Variants in AHNAK2 observed in about 807,000 individuals in gnomAD.
AHNAK2 encodes the protein protein AHNAK2.
A neutral mutation model predicts 30.7 loss-of-function variants in AHNAK2; 18 were observed. The observed-to-expected ratio is 0.59, with a 90% CI of 0.41 to 0.87. AHNAK2 has a LOEUF of 0.87. Among genes scored for constraint, AHNAK2 ranks in the 40% least tolerant of loss-of-function variants. AHNAK2 has a pLI of 0.00. For missense variants in AHNAK2, 8,604 were observed against 7,373.0 expected, an observed-to-expected ratio of 1.17 and a Z score of -6.11; for synonymous variants, 3,590 against 3,073.8, an observed-to-expected ratio of 1.17 and a Z score of -5.56.
Position 104,945,145 on chromosome 14 carries a change from G to C in AHNAK2, c.10306C>G (p.Leu3436Val). 6.2e-7 allele frequency: 1 copy of C among 1,613,306 alleles called. No homozygotes were observed. ...EVTVPDVEVS[L>V]PSVEVDVQAP... ...TGGACGTCCACCTCCACGCTGGGCA[G>C]AGACACCTCCACATCAGGGACTGTC... is the stretch of plus-strand genomic sequence containing the variant. Residue 3436 changes from leucine to valine, a missense_variant, in exon 7 of 7, where the codon CTG becomes GTG. By Grantham distance (32) the Leu-to-Val change is conservative. Coordinates refer to ENST00000333244, the MANE Select transcript of AHNAK2 (RefSeq NM_138420.4).
Position 104,954,270 on chromosome 14 carries a change from G to C in AHNAK2, c.1181C>G (p.Pro394Arg), listed in dbSNP as rs991017834. The C allele has an allele frequency of 5.6e-6, 9 of 1,613,168 alleles. No homozygotes were observed. The highest frequency in any genetic ancestry group is 7.6e-6 in the Non-Finnish European group (9 of 1,179,880). The change falls in exon 7 of 7, where the codon CCA becomes CGA. Residue 394 changes from proline (P) to arginine (R), a missense_variant. By Grantham distance (103) the Pro-to-Arg change is moderately radical. Transcript: ENST00000333244. The surrounding 1 kb of genome is among the most constrained non-coding windows in gnomAD (Gnocchi z 4.3). The stretch of plus-strand genomic sequence containing the variant: ...AGGGTCACCGAGCTCTGTGGGCAAT[G>C]GCATGCTCTGAGCAGGCATCACTTC... ...DREVMPAQSM[P>R]LPTELGDPRL...
intron 1 of AHNAK2, among the ~76,000 whole-genome samples, chr14:104,973,562 C>T (rs1033513053): frequency 2.0e-5 from 3 of 152,156 alleles, no homozygotes; most frequent in Non-Finnish European, 2.9e-5. Flanking sequence ...CCCCTCCAGC[C>T]GGCAGGGCTC....
chr14:104,957,389 G>A (rs1315278595), intron 3 of AHNAK2, 21 bp downstream of exon 3: 1 of 1,559,594 alleles, frequency 6.4e-7, no homozygotes, highest in Middle Eastern at 1.8e-4. Flanking sequence ...GTGCCTGTGG[G>A]GCTCTGCCCA....
rs1178112147 is a variant in AHNAK2, at chr14:104,966,168, C to T, written c.56-8496G>A. ...GGAAGAGAAGGGCAGGAGGTGAGGG[C>T]AGGCAGGGCTGGGTCAGTGCCAGGA... On this transcript the variant is annotated intron_variant, in intron 1 of 6. Coordinates refer to ENST00000333244, the MANE Select transcript of AHNAK2 (RefSeq NM_138420.4). This position sits in a 1 kb window ranked among gnomAD's most constrained non-coding sequence, Gnocchi z 4.3. Among the ~76,000 whole-genome samples, 1 of 152,142 alleles carries T rather than the reference C, an allele frequency of 6.6e-6. No individual in the cohort carries two copies. Among genetic ancestry groups the T allele is most frequent in the East Asian group, 1.9e-4 (1 of 5,196 alleles).
rs763833534 is a variant in AHNAK2 at position 104,949,449 on chromosome 14, G to C, written c.6002C>G (p.Ser2001Trp). ...GGCCTCGATGGACCTCCCTGGGGCC[G>C]ATACCCCGAACGACGGCATCTTGAA... ...PKFKMPSFGV[S>W]APGRSIEASV... Residue 2001 changes from serine to tryptophan, a missense_variant, in exon 7 of 7, where the codon TCG becomes TGG. Transcript: ENST00000333244. 1.2e-5 allele frequency: 19 copies of C among 1,587,820 alleles called. 1 individual carries two copies. The Middle Eastern group carries it at 5.0e-4, about 41-fold the overall frequency.
intron 1 of AHNAK2, among the ~76,000 whole-genome samples, chr14:104,974,594 C>T (rs186804688): frequency 2.0e-5 from 3 of 152,366 alleles, no homozygotes; most frequent in African/African-American, 7.2e-5. Flanking sequence ...TAAGGCTGCA[C>T]TGGCCACAAA....
rs1370471848 is a variant in AHNAK2 at position 104,949,401 on chromosome 14, T to G, written c.6050A>C (p.Lys2017Thr). 1.3e-6 allele frequency: 2 copies of G among 1,582,792 alleles called. No homozygotes were observed. The highest frequency in any genetic ancestry group is 1.7e-6 in the Non-Finnish European group (2 of 1,159,516). ...IEASVDVPAP[K>T]VEADVSLPSM... ...GGGGAGACTCACGTCGGCCTCCACC[T>G]TGGGTGCAGGCACATCCACCGAGGC... The change falls in exon 7 of 7, where the codon AAG becomes ACG. Residue 2017 changes from lysine to threonine, a missense_variant. Lys to Thr is a moderately conservative substitution (Grantham distance 78). Coordinates refer to ENST00000333244, the MANE Select transcript of AHNAK2 (RefSeq NM_138420.4).
Position 104,949,160 on chromosome 14 carries a change from T to G in AHNAK2, c.6291A>C (p.Lys2097Asn). The G allele has an allele frequency of 1.9e-6, 2 of 1,046,356 alleles. 1 individual carries two copies. Among genetic ancestry groups the G allele is most frequent in the Non-Finnish European group, 2.8e-6 (2 of 726,316 alleles). 64.8% of individuals were successfully genotyped at this position (1,046,356 alleles called of 1,614,324 possible). ...KGPQVDIKGP[K>N]LDLKDPKVEM... ...CCACCTTGGGGTCTTTTAGGTCCAG[T>G]TTGGGGCCCTTGATGTCCACCTGGG... Residue 2097 changes from lysine (K) to asparagine (N), a missense_variant, in exon 7 of 7, where the codon AAA becomes AAC. Transcript: ENST00000333244.
At position 104,949,646 on chromosome 14, in the gene AHNAK2, C is replaced by G; in HGVS notation, c.5805G>C (p.Leu1935=). The G allele has an allele frequency of 6.3e-7, 1 of 1,587,780 alleles. No homozygotes were observed. Among genetic ancestry groups the G allele is most frequent in the East Asian group, 2.2e-5 (1 of 44,664 alleles). ...CTGTCACTTCCGCCTTGGGGCCTTT[C>G]AGGTCCAGCTTGGCGCCCTTAACAT... The part of the protein sequence containing the change: ...QTDVKGAKLD[L]KGPKAEVTAP... The change falls in exon 7 of 7, where the codon CTG becomes CTC. Residue 1935 remains leucine (L), a synonymous_variant. Coordinates refer to ENST00000333244, the MANE Select transcript of AHNAK2 (RefSeq NM_138420.4).
rs61433149 is a variant in AHNAK2, at chr14:104,947,780, C to G, written c.7671G>C (p.Pro2557=). The G allele has an allele frequency of 2.5e-4, 404 of 1,611,756 alleles. 7 individuals are homozygous for G. The Middle Eastern group carries it at 3.2e-3, about 13-fold the overall frequency. ...GGTGCCCTTTGAGGCCGGCTCCCTC[C>G]GGCACAGGGCCCTCTGGGAGTTTCA... The part of the protein sequence containing the change: ...VDVKLPEGPV[P]EGAGLKGHLP... Residue 2557 remains proline (P), a synonymous_variant, in exon 7 of 7, where the codon CCG becomes CCC. Transcript: ENST00000333244.
chr14:104,961,262 C>T (rs1294267478), intron 1 of AHNAK2, among the ~76,000 whole-genome samples: 1 of 151,942 alleles, frequency 6.6e-6, no homozygotes, highest in Non-Finnish European at 1.5e-5. Flanking sequence ...CGCCTGTAAT[C>T]CCAGCACTTT....
At chr14:104,965,139 T>A (rs1449234135) in intron 1 of AHNAK2, among the ~76,000 whole-genome samples, 1 of 152,204 alleles carries the variant, frequency 6.6e-6, no homozygotes, top group Admixed American at 6.5e-5. Context: ...TCTTCCAATG[T>A]AGCCCAGGGA....
chr14:104,946,151 G>C lies in AHNAK2; in HGVS notation c.9300C>G (p.Pro3100=), dbSNP rs768260955. 6.2e-7 allele frequency: 1 copy of C among 1,611,748 alleles called. No individual in the cohort carries two copies. Among genetic ancestry groups the C allele is most frequent in the Non-Finnish European group, 8.5e-7 (1 of 1,179,342 alleles). Residue 3100 remains proline, a synonymous_variant, in exon 7 of 7, where the codon CCC becomes CCG. Transcript: ENST00000333244. ...TGCCGGGCTGAGACACCTCCACGTCGGGGGCCGTCACGTCCGTCTTCGGGC... is the reference window on the plus strand; with the variant it reads ...TGCCGGGCTGAGACACCTCCACGTCCGGGGCCGTCACGTCCGTCTTCGGGC... The part of the protein sequence containing the change: ...LKGPKTDVTA[P]DVEVSQPGME...
rs1426197983 is a variant in AHNAK2, at chr14:104,952,524, T to G, written c.2927A>C (p.Asp976Ala). The G allele has an allele frequency of 1.2e-6, 2 of 1,612,548 alleles. No individual in the cohort carries two copies. Among genetic ancestry groups the G allele is most frequent in the Admixed American group, 3.3e-5 (2 of 59,894 alleles). The change falls in exon 7 of 7, where the codon GAT (aspartate) becomes GCT (alanine). Residue 976 changes from aspartate to alanine, a missense_variant. Asp to Ala is a moderately radical substitution (Grantham distance 126). Coordinates refer to ENST00000333244, the MANE Select transcript of AHNAK2 (RefSeq NM_138420.4). Reference protein sequence around the residue: ...VDVQAQKAKLDGAWLEGDLSL... With the variant: ...VDVQAQKAKLAGAWLEGDLSL... ...CAGGTCCCCCTCCAGCCACGCACCA[T>G]CCAGCTTGGCCTTCTGGGCCTGGAC...
chr14:104,975,630 T>C (rs948415365), intron 1 of AHNAK2, among the ~76,000 whole-genome samples: 2 of 152,236 alleles, frequency 1.3e-5, no homozygotes, highest in African/African-American at 4.8e-5. Context: ...CATTCTGCTC[T>C]GGCCCCTAAG....
intron 1 of AHNAK2, among the ~76,000 whole-genome samples, chr14:104,976,855 T>C (rs1899606053): frequency 6.6e-6 from 1 of 151,926 alleles, no homozygotes; most frequent in East Asian, 1.9e-4. Flanking sequence ...GCCCTGCCCT[T>C]CTCCCTCTGA....
intron 1 of AHNAK2, among the ~76,000 whole-genome samples, chr14:104,958,638 A>C (rs921026307): frequency 5.3e-5 from 8 of 152,210 alleles, no homozygotes; most frequent in Non-Finnish European, 1.0e-4. Context: ...TTGAGATACC[A>C]GAAGAATTAT....
rs1367145371 is a variant in AHNAK2, at chr14:104,944,991, G to T, written c.10460C>A (p.Ala3487Asp). The T allele has an allele frequency of 6.2e-7, 1 of 1,612,810 alleles. No individual in the cohort carries two copies. Among genetic ancestry groups the T allele is most frequent in the Non-Finnish European group, 8.5e-7 (1 of 1,179,556 alleles). ...KFKMPSFGVS[A>D]PGRSIEASLD... Reference sequence around the variant, plus strand: ...CGAGGCCTCGATGGACCTGCCTGGGGCCGACACCCCGAAGGAGGGCATCTT... The same window carrying T: ...CGAGGCCTCGATGGACCTGCCTGGGTCCGACACCCCGAAGGAGGGCATCTT... Residue 3487 changes from alanine to aspartate, a missense_variant, in exon 7 of 7, where the codon GCC becomes GAC. Ala to Asp is a moderately radical substitution (Grantham distance 126, BLOSUM62 -2). Transcript: ENST00000333244.
rs1566907312 is a variant in AHNAK2, at chr14:104,947,203, G to A, written c.8248C>T (p.Gln2750Ter). Residue 2750 changes from glutamine to a stop codon, truncating the protein, a stop_gained, in exon 7 of 7, where the codon CAG becomes TAG. Transcript: ENST00000333244. LOFTEE classifies it low-confidence loss of function (END_TRUNC). The stretch of plus-strand genomic sequence containing the variant: ...ACGTTGGGGCCCTTAACATCTATCT[G>A]GGGGCCCTTGAGGTCCACTTCAGGC... ...KMPEVDLKGPQIDVKGPNVDL... is the reference protein window; with the variant it reads ...KMPEVDLKGP 6.2e-7 allele frequency: 1 copy of A among 1,612,258 alleles called. No individual in the cohort carries two copies. Among genetic ancestry groups the A allele is most frequent in the Admixed American group, 1.7e-5 (1 of 59,912 alleles).
Sources: allele counts gnomAD v4.1 joint callset (sites outside exome capture counted in the v4.1 genomes callset), GRCh38; gene constraint gnomAD v4.1.1; non-coding constraint Gnocchi (gnomAD v3.1); transcripts MANE v1.5; gene names NCBI Gene and HGNC (gene_info 2026-07-23, HGNC 2026-07-21).